Variants in LRP1 observed in about 807,000 individuals in gnomAD.
LRP1 encodes the protein prolow-density lipoprotein receptor-related protein 1.
Under a neutral mutation model 541.5 loss-of-function variants are expected in LRP1, and 51 were observed. The ratio of observed to expected loss-of-function variants is 0.09; its 90% CI spans 0.08 to 0.12. The LOEUF is 0.12. LRP1 is among the 10% of genes least tolerant of loss of function. LRP1 has a pLI of 1.00. For synonymous variants in LRP1, 2,219 were observed against 2,470.8 expected, an observed-to-expected ratio of 0.90 and a Z score of 3.02; for missense variants, 3,878 against 6,376.2, an observed-to-expected ratio of 0.61 and a Z score of 13.34.
intron 19 of LRP1, 137 bp downstream of exon 19, chr12:57,167,661 G>A: frequency 3.0e-6 from 2 of 675,802 alleles, no homozygotes; most frequent in Admixed American, 5.0e-5. Flanking sequence ...GGTTGCCTGG[G>A]AGAAAACAGG....
intron 6 of LRP1, among the ~76,000 whole-genome samples, chr12:57,148,382 T>C (rs555723181): frequency 6.6e-6 from 1 of 152,096 alleles, no homozygotes; most frequent in East Asian, 1.9e-4. Flanking sequence ...GTTCTGAAAA[T>C]TGAGGCCCAG....
intron 8 of LRP1, chr12:57,155,141 G>C (rs1428400685): frequency 2.9e-6 from 1 of 341,618 alleles, no homozygotes; most frequent in African/African-American, 2.1e-5. Flanking sequence ...TGAGCAACCA[G>C]CCCAGTTTGC....
intron 20 of LRP1, among the ~76,000 whole-genome samples, chr12:57,171,386 G>A (rs1389379078): frequency 6.6e-6 from 1 of 152,202 alleles, no homozygotes; most frequent in African/African-American, 2.4e-5. Context: ...ATGGTCCGGA[G>A]AATGCTGTCG....
Position 57,166,917 on chromosome 12 carries a change from C to T in LRP1, c.2798-13C>T, listed in dbSNP as rs534920389. On this transcript the variant is annotated splice_polypyrimidine_tract_variant and intron_variant, in intron 17 of 88. Transcript: ENST00000243077. Reference sequence around the variant, plus strand: ...CAGGACAATGAGTACTCACACCCATCCCTGCCCCCCAGCCCGCACCTGCCC... The same window carrying T: ...CAGGACAATGAGTACTCACACCCATTCCTGCCCCCCAGCCCGCACCTGCCC... 10 of 1,434,492 alleles carry T rather than the reference C, an allele frequency of 7.0e-6. No individual in the cohort carries two copies. The East Asian group carries it at 2.3e-4, about 33-fold the overall frequency. 88.9% of individuals were successfully genotyped at this position (1,434,492 alleles called of 1,614,324 possible).
intron 68 of LRP1, 60 bp from the exon 69 acceptor site, chr12:57,203,121 A>G (rs901929306): frequency 2.6e-5 from 32 of 1,228,870 alleles, no homozygotes; most frequent in Non-Finnish European, 3.4e-5. Flanking sequence ...CTGTGGCACT[A>G]CTGAGGCCTG....
In LRP1 at chr12:57,184,483, T is replaced by C; in HGVS notation, c.6186+31T>C. ...CACGCCAACTTGGCCTTGGATCCGA[T>C]GGTAGACCCCTGACCCAGGCTCCTG... On this transcript the variant is annotated intron_variant, in intron 38 of 88. Coordinates refer to ENST00000243077, the MANE Select transcript of LRP1 (RefSeq NM_002332.3). The surrounding 1 kb of genome is among the most constrained non-coding windows in gnomAD (Gnocchi z 7.8). The C allele has an allele frequency of 1.2e-6, 2 of 1,613,652 alleles. No homozygotes were observed. Among genetic ancestry groups the C allele is most frequent in the Non-Finnish European group, 1.7e-6 (2 of 1,179,844 alleles).
In LRP1 at chr12:57,195,319, T is replaced by C. The variant is rs1315622397; in HGVS notation, c.8357T>C (p.Val2786Ala). 6.2e-7 allele frequency: 1 copy of C among 1,613,540 alleles called. No individual in the cohort carries two copies. The highest frequency in any genetic ancestry group is 8.5e-7 in the Non-Finnish European group (1 of 1,180,004). The change falls in exon 52 of 89, where the codon GTG becomes GCG. Residue 2786 changes from valine to alanine, a missense_variant. Transcript: ENST00000243077. ...TCCTTCTCCTGCCCTGGCACCCACG[T>C]GTGCGTCCCCGAGCGCTGGCTCTGT... The part of the protein sequence containing the change: ...PSSFSCPGTH[V>A]CVPERWLCDG...
Position 57,197,099 on chromosome 12 carries a change from A to G in LRP1, c.9010A>G (p.Lys3004Glu), listed in dbSNP as rs1555186886. The change falls in exon 56 of 89, where the codon AAG becomes GAG. Residue 3004 changes from lysine (K) to glutamate (E), a missense_variant. Physicochemically the swap from Lys to Glu is moderately conservative, Grantham distance 56 (BLOSUM62 1). Around this residue, in one of 13 missense-constraint regions of LRP1, gnomAD observed 1,100 missense variants for 1,827.4 expected, o/e 0.60. Transcript: ENST00000243077. This position sits in a 1 kb window ranked among gnomAD's most constrained non-coding sequence, Gnocchi z 4.5. Reference sequence around the variant, plus strand: ...CTGCATCAACACTCATGGCAGCTATAAGTGTCTGTGTGTGGAGGGCTATGC... The same window carrying G: ...CTGCATCAACACTCATGGCAGCTATGAGTGTCTGTGTGTGGAGGGCTATGC... ...QRCINTHGSY[K>E]CLCVEGYAPR... The G allele has an allele frequency of 6.2e-7, 1 of 1,613,878 alleles. No individual in the cohort carries two copies. The highest frequency in any genetic ancestry group is 1.3e-5 in the African/African-American group (1 of 74,898).
In LRP1 at chr12:57,198,315, A is replaced by G; in HGVS notation, c.9442A>G (p.Arg3148Gly). Reference protein sequence around the residue: ...VLVSSGLREPRALVVDVQNGY... With the variant: ...VLVSSGLREPGALVVDVQNGY... ...GGTCAGCTCTGGCCTCCGTGAGCCC[A>G]GGGCTCTGGTGGTGGATGTGCAGAA... The change falls in exon 59 of 89, where the codon AGG becomes GGG. Residue 3148 changes from arginine (R) to glycine (G), a missense_variant. Arg to Gly is a moderately radical substitution (Grantham distance 125, BLOSUM62 -2). Transcript: ENST00000243077. 1 of 1,613,774 alleles carries G rather than the reference A, an allele frequency of 6.2e-7. No individual in the cohort carries two copies. The highest frequency in any genetic ancestry group is 8.5e-7 in the Non-Finnish European group (1 of 1,179,872).
In LRP1 at chr12:57,143,743, C is replaced by T. The variant is rs540113071; in HGVS notation, c.393C>T (p.Pro131=). Residue 131 remains proline (P), a synonymous_variant, in exon 4 of 89, where the codon CCC becomes CCT. Transcript: ENST00000243077. The stretch of plus-strand genomic sequence containing the variant: ...ATTGTGTCCCCACACTCGATGGGCC[C>T]ACCTGCTACTGCAACAGCAGCTTTC... ...QHHCVPTLDG[P]TCYCNSSFQL... 721 of 1,614,188 alleles carry T rather than the reference C, an allele frequency of 4.5e-4. 8 individuals are homozygous for T. The South Asian group carries it at 7.4e-3, about 16-fold the overall frequency.
chr12:57,198,729 A>T, intron 60 of LRP1, 59 bp downstream of exon 60: 1 of 1,488,978 alleles, frequency 6.7e-7, no homozygotes, highest in Non-Finnish European at 9.2e-7. Context: ...GGAGGTCTGA[A>T]GCGACAGGGG....
chr12:57,166,042 G>A lies in LRP1; in HGVS notation c.2672-42G>A, dbSNP rs370829480. ...TACTGGAGCGGGCAGGAAGCTGGGGGCACCCAACTTCTCGCTGACCCCTGA... is the reference window on the plus strand; with the variant it reads ...TACTGGAGCGGGCAGGAAGCTGGGGACACCCAACTTCTCGCTGACCCCTGA... On this transcript the variant is annotated intron_variant, in intron 16 of 88. Transcript: ENST00000243077. 8.1e-6 allele frequency: 13 copies of A among 1,613,312 alleles called. No homozygotes were observed. The African/African-American group carries it at 1.2e-4, about 15-fold the overall frequency.
In LRP1 at chr12:57,128,751, C is replaced by T; in HGVS notation, c.-214C>T. 1 of 447,342 alleles carries T rather than the reference C, an allele frequency of 2.2e-6. No individual in the cohort carries two copies. The highest frequency in any genetic ancestry group is 5.1e-5 in the South Asian group (1 of 19,740). 27.7% of individuals were successfully genotyped at this position (447,342 alleles called of 1,614,324 possible). On this transcript the variant is annotated 5_prime_UTR_variant, in exon 1 of 89. Transcript: ENST00000243077. Reference sequence around the variant, plus strand: ...GGGGTGAAGGGTTTGGATTTCGGGGCAGGGGGCGCACCCCCGTCAGCAGGC... The same window carrying T: ...GGGGTGAAGGGTTTGGATTTCGGGGTAGGGGGCGCACCCCCGTCAGCAGGC...
chr12:57,160,948 C>T lies in LRP1; in HGVS notation c.2035C>T (p.Leu679=). The change falls in exon 13 of 89, where the codon CTG becomes TTG. Residue 679 remains leucine (L), a synonymous_variant. Transcript: ENST00000243077. The part of the protein sequence containing the change: ...EDPKDSRRGR[L]ERAWMDGSHR... ...CCCCAAGGACAGTCGGCGTGGGCGG[C>T]TGGAGAGGGCGTGGATGGATGGCTC... 6.2e-7 allele frequency: 1 copy of T among 1,613,972 alleles called. No individual in the cohort carries two copies. Among genetic ancestry groups the T allele is most frequent in the Non-Finnish European group, 8.5e-7 (1 of 1,180,034 alleles).
intron 1 of LRP1, among the ~76,000 whole-genome samples, chr12:57,134,207 G>T (rs535903236): frequency 6.6e-6 from 1 of 152,126 alleles, no homozygotes; most frequent in African/African-American, 2.4e-5. Context: ...GAGAACAGAC[G>T]GCCCCTGTGT....
In LRP1 at chr12:57,208,714, C is replaced by A. The variant is rs1388407537; in HGVS notation, c.12042C>A (p.Thr4014=). Reference sequence around the variant, plus strand: ...CTCACCCCTTCTCCCTCCCCAGGACCATGTACTGGTCAGACTGGGGCAACC... The same window carrying A: ...CTCACCCCTTCTCCCTCCCCAGGACAATGTACTGGTCAGACTGGGGCAACC... ...HAIVVDPLRG[T]MYWSDWGNHP... is the part of the protein sequence containing the mutation. Residue 4014 remains threonine, a synonymous_variant, in exon 78 of 89, where the codon ACC becomes ACA. Coordinates refer to ENST00000243077, the MANE Select transcript of LRP1 (RefSeq NM_002332.3). The A allele has an allele frequency of 1.2e-6, 2 of 1,610,104 alleles. No homozygotes were observed. Among genetic ancestry groups the A allele is most frequent in the African/African-American group, 1.3e-5 (1 of 74,832 alleles).
At chr12:57,134,744 G>A (rs919140696) in intron 1 of LRP1, among the ~76,000 whole-genome samples, 3 of 151,302 alleles carry the variant, frequency 2.0e-5, no homozygotes, top group Non-Finnish European at 2.9e-5. Context: ...TCGCTCTGTT[G>A]CCCAGGCTGG....
In LRP1 at chr12:57,205,521, A is replaced by G; in HGVS notation, c.11470+36A>G. The G allele has an allele frequency of 3.1e-6, 5 of 1,613,362 alleles. No individual in the cohort carries two copies. The highest frequency in any genetic ancestry group is 4.2e-6 in the Non-Finnish European group (5 of 1,179,592). ...GGGGCAGAGCAGGGGTGGACACCCCAACTGTGGACTCTCATGACCCTCCCT... is the reference window on the plus strand; with the variant it reads ...GGGGCAGAGCAGGGGTGGACACCCCGACTGTGGACTCTCATGACCCTCCCT... On this transcript the variant is annotated intron_variant, in intron 74 of 88. Coordinates refer to ENST00000243077, the MANE Select transcript of LRP1 (RefSeq NM_002332.3). This position sits in a 1 kb window ranked among gnomAD's most constrained non-coding sequence, Gnocchi z 4.6.
rs35989509 is a variant in LRP1, at chr12:57,173,120, G to A, written c.3164-48G>A. The stretch of plus-strand genomic sequence containing the variant: ...GCAGGGCACAGGGATGAGGAGGGCT[G>A]ACCTGGGCAACCCCTCCCTCCTGAG... On this transcript the variant is annotated intron_variant, in intron 20 of 88. Transcript: ENST00000243077. The surrounding 1 kb of genome is among the most constrained non-coding windows in gnomAD (Gnocchi z 4.7). 5.7e-4 allele frequency: 859 copies of A among 1,510,362 alleles called. 3 individuals carry two copies. In the African/African-American group the frequency reaches 0.01, roughly 18 times the overall value. 93.6% of individuals were successfully genotyped at this position (1,510,362 alleles called of 1,614,324 possible). A position where few individuals can be genotyped will look rare whatever the true frequency, so the allele number is the denominator to read the frequency against.
Sources: gnomAD v4.1 joint callset for allele counts (sites outside exome capture counted in the v4.1 genomes callset) on GRCh38, gnomAD v4.1.1 for gene constraint, gnomAD v4.1.1 regional missense constraint, Gnocchi (gnomAD v3.1) non-coding constraint, MANE v1.5 for transcripts, NCBI Gene and HGNC (gene_info 2026-07-23, HGNC 2026-07-21) for gene names.